FREM3: variants seen among roughly 807,000 people sequenced by gnomAD.
The protein encoded by FREM3 is FRAS1-related extracellular matrix protein 3.
In FREM3, 105 loss-of-function variants were observed where a neutral mutation model predicts 129.1. That is an observed-to-expected ratio of 0.81 (90% confidence interval 0.69 to 0.96). FREM3 has a LOEUF of 0.96. FREM3 is among the 40% of genes least tolerant of loss of function. The probability of loss-of-function intolerance (pLI) is 0.00; values close to 1 mark genes in which losing one functional copy is unlikely to be tolerated. For synonymous variants in FREM3, 1,014 were observed against 1,044.9 expected (o/e 0.97, Z 0.57); for missense variants, 2,593 against 2,666.3 (o/e 0.97, Z 0.61).
chr4:143,680,988 C>G (rs1412764928), intron 2 of FREM3, among the ~76,000 whole-genome samples: 3 of 151,978 alleles, frequency 2.0e-5, no homozygotes, highest in East Asian at 1.9e-4. Context: ...TCCATCAGGT[C>G]AAATTTAAAT....
intron 2 of FREM3, among the ~76,000 whole-genome samples, chr4:143,639,142 G>T (rs1441300232): frequency 2.0e-5 from 3 of 152,148 alleles, no homozygotes; most frequent in African/African-American, 4.8e-5. Flanking sequence ...AGAGTTTTCA[G>T]TAAGAAGAGA....
intron 5 of FREM3, among the ~76,000 whole-genome samples, chr4:143,615,951 G>T (rs528497384): frequency 2.9e-4 from 44 of 152,262 alleles, no homozygotes; most frequent in African/African-American, 9.1e-4. Context: ...GAGGATACAG[G>T]GCAGCAGGAG....
At position 143,585,940 on chromosome 4, in the gene FREM3, A is replaced by T; in HGVS notation, c.6082T>A (p.Tyr2028Asn). Residue 2028 changes from tyrosine (Y) to asparagine (N), a missense_variant, in exon 7 of 8, where the codon TAC becomes AAC. Transcript: ENST00000329798. The surrounding 1 kb of genome is among the most constrained non-coding windows in gnomAD (Gnocchi z 4.2). ...CTTCTCCAAACACAAACCTCCACGT[A>T]GCGAGCACTTTCATTGACGTGATAT... ...AEYHVNESAR[Y>N]VEVCVWRRGT... 1 of 1,537,620 alleles carries T rather than the reference A, an allele frequency of 6.5e-7. No homozygotes were observed. The highest frequency in any genetic ancestry group is 8.7e-7 in the Non-Finnish European group (1 of 1,146,990).
At chr4:143,679,128 A>G (rs1326083927) in intron 2 of FREM3, among the ~76,000 whole-genome samples, 2 of 152,178 alleles carry the variant, frequency 1.3e-5, no homozygotes, top group Admixed American at 1.3e-4. Flanking sequence ...TCTGGTCTCC[A>G]CCAGAAATTA....
intron 6 of FREM3, among the ~76,000 whole-genome samples, chr4:143,595,812 T>C (rs924094259): frequency 2.7e-5 from 4 of 147,760 alleles, no homozygotes; most frequent in South Asian, 2.1e-4. Context: ...GGCGTGAACC[T>C]GGGAGGCAGA....
chr4:143,657,941 A>G (rs1269162390), intron 2 of FREM3, among the ~76,000 whole-genome samples: 1 of 152,126 alleles, frequency 6.6e-6, no homozygotes, highest in Non-Finnish European at 1.5e-5. Context: ...CTCGAGTTCA[A>G]TAACTGTCAC....
chr4:143,668,640 C>T (rs779157806), intron 2 of FREM3, among the ~76,000 whole-genome samples: 8 of 152,180 alleles, frequency 5.3e-5, no homozygotes, highest in Non-Finnish European at 1.0e-4. Context: ...AAACCTGACA[C>T]GGTTAGATAC....
chr4:143,580,794 C>A (rs1176673541), intron 7 of FREM3, among the ~76,000 whole-genome samples: 1 of 152,236 alleles, frequency 6.6e-6, no homozygotes, highest in Non-Finnish European at 1.5e-5. Flanking sequence ...CCCCTGCAGT[C>A]TTCAGGCTCT....
chr4:143,693,334 A>G, intron 1 of FREM3, 132 bp from the exon 2 acceptor site: 1 of 437,270 alleles, frequency 2.3e-6, no homozygotes, highest in Non-Finnish European at 4.0e-6. Context: ...TTGAGTGAAC[A>G]TGAATCTTCT....
At chr4:143,659,539 CAT>C (rs1479586843) in intron 2 of FREM3, among the ~76,000 whole-genome samples, 11 of 151,420 alleles carry the variant, frequency 7.3e-5, no homozygotes, top group African/African-American at 2.7e-4. Flanking sequence ...CCGCAATAAA[CAT>C]ACGTGTGCAT....
intron 2 of FREM3, among the ~76,000 whole-genome samples, chr4:143,660,619 G>C (rs1027201967): frequency 6.6e-6 from 1 of 152,042 alleles, no homozygotes; most frequent in Non-Finnish European, 1.5e-5. Flanking sequence ...AATTCTGTGA[G>C]GAAAGTCATT....
chr4:143,661,246 G>A (rs1409181229), intron 2 of FREM3, among the ~76,000 whole-genome samples: 9 of 152,134 alleles, frequency 5.9e-5, no homozygotes, highest in Non-Finnish European at 1.2e-4. Context: ...TTATTATTTT[G>A]AGATACGTCC....
Position 143,699,489 on chromosome 4 carries a change from G to A in FREM3, c.1187C>T (p.Ser396Phe). Reference protein sequence around the residue: ...KIAYQPPAENSHGERLFQLEL... With the variant: ...KIAYQPPAENFHGERLFQLEL... ...CAGCTGAAAGAGGCGCTCCCCATGG[G>A]AGTTCTCTGCAGGGGGCTGATAGGC... The change falls in exon 1 of 8, where the codon TCC (serine) becomes TTC (phenylalanine). Residue 396 changes from serine (S) to phenylalanine (F), a missense_variant. By Grantham distance (155) the Ser-to-Phe change is radical (BLOSUM62 -2). Coordinates refer to ENST00000329798, the MANE Select transcript of FREM3 (RefSeq NM_001168235.2). This position sits in a 1 kb window ranked among gnomAD's most constrained non-coding sequence, Gnocchi z 4.2. 1.3e-6 allele frequency: 2 copies of A among 1,537,314 alleles called. No individual in the cohort carries two copies. The highest frequency in any genetic ancestry group is 1.7e-6 in the Non-Finnish European group (2 of 1,146,936).
intron 2 of FREM3, among the ~76,000 whole-genome samples, chr4:143,631,275 T>G (rs1739135637): frequency 6.6e-6 from 1 of 152,198 alleles, no homozygotes; most frequent in African/African-American, 2.4e-5. Context: ...ACCATTGCAA[T>G]TTCCAGTTTA....
At position 143,699,183 on chromosome 4, in the gene FREM3, A is replaced by C. The variant is rs768824593; in HGVS notation, c.1493T>G (p.Leu498Arg). 20 of 1,537,240 alleles carry C rather than the reference A, an allele frequency of 1.3e-5. No homozygotes were observed. The highest frequency in any genetic ancestry group is 3.9e-5 in the Admixed American group (2 of 50,968). ...AGCKYFTPAD[L>R]AAGRVVYQHD... ...CTGATACACCACTCGCCCTGCTGCC[A>C]GGTCCGCTGGTGTGAAATACTTGCA... The change falls in exon 1 of 8, where the codon CTG becomes CGG. Residue 498 changes from leucine (L) to arginine (R), a missense_variant. Around this residue, in one of 2 missense-constraint regions of FREM3, gnomAD observed 2,276 missense variants for 2,267.2 expected, o/e 1.00. Transcript: ENST00000329798. This position sits in a 1 kb window ranked among gnomAD's most constrained non-coding sequence, Gnocchi z 4.2.
intron 2 of FREM3, among the ~76,000 whole-genome samples, chr4:143,691,651 C>G (rs921662465): frequency 1.3e-5 from 2 of 152,180 alleles, no homozygotes; most frequent in Non-Finnish European, 2.9e-5. Flanking sequence ...GGCATCATAA[C>G]ATTTACTTTT....
intron 2 of FREM3, among the ~76,000 whole-genome samples, chr4:143,664,861 C>T (rs1057471325): frequency 6.0e-5 from 9 of 150,878 alleles, no homozygotes; most frequent in East Asian, 1.9e-4. Flanking sequence ...TAGCAATCAG[C>T]GAGACTCCGT....
chr4:143,613,251 G>A (rs1170585606), intron 5 of FREM3, among the ~76,000 whole-genome samples: 1 of 152,236 alleles, frequency 6.6e-6, no homozygotes, highest in Non-Finnish European at 1.5e-5. Context: ...AAATGTGTTT[G>A]CTAGGGCAGA....
At chr4:143,600,899 A>G (rs750885541) in intron 6 of FREM3, among the ~76,000 whole-genome samples, 2 of 152,050 alleles carry the variant, frequency 1.3e-5, no homozygotes, top group African/African-American at 2.4e-5. Flanking sequence ...TTCTATTGCA[A>G]GCAAGGGTGA....
Sources: gnomAD v4.1 joint callset for allele counts (sites outside exome capture counted in the v4.1 genomes callset) on GRCh38, gnomAD v4.1.1 for gene constraint, gnomAD v4.1.1 regional missense constraint, Gnocchi (gnomAD v3.1) non-coding constraint, MANE v1.5 for transcripts, NCBI Gene and HGNC (gene_info 2026-07-23, HGNC 2026-07-21) for gene names.